The following HACD4 variants were observed in gnomAD, a reference collection of about 807,000 sequenced individuals.
The protein encoded by HACD4 is 3-hydroxyacyl-CoA dehydratase 4.
HACD4 carries 35 observed loss-of-function variants against 33.3 expected under a neutral mutation model. That is an observed-to-expected ratio of 1.05 (90% CI 0.80 to 1.39). The LOEUF is 1.39. Among genes scored for constraint, HACD4 ranks in the 40% most tolerant of loss-of-function variants. The pLI is 0.00. For missense variants in HACD4, 323 were observed against 276.5 expected (o/e 1.17, Z -1.19); for synonymous variants, 118 against 98.0 (o/e 1.20, Z -1.21).
intron 3 of HACD4, among the ~76,000 whole-genome samples, chr9:21,023,015 A>G (rs896150432): frequency 3.3e-5 from 5 of 152,188 alleles, no homozygotes; most frequent in African/African-American, 9.7e-5. Context: ...TGGCACATAT[A>G]CACCACCGAA....
In HACD4 at chr9:21,000,224, T is replaced by C. The variant is rs1007086570; in HGVS notation, c.*6813A>G. On this transcript the variant is annotated 3_prime_UTR_variant, in exon 7 of 7. Transcript: ENST00000495827. ...TTTAGATGAGATTTAAAACTCCAGC[T>C]ACCCTTAGCAAAAATAAACTAGTTA... 6.6e-6 allele frequency: 1 copy of C among 152,200 alleles called. No individual in the cohort carries two copies. Among genetic ancestry groups the C allele is most frequent in the Non-Finnish European group, 1.5e-5 (1 of 68,018 alleles). 9.4% of individuals were successfully genotyped at this position (152,200 alleles called of 1,614,324 possible).
At chr9:21,010,946 G>A (rs911456545) in intron 5 of HACD4, among the ~76,000 whole-genome samples, 9 of 152,180 alleles carry the variant, frequency 5.9e-5, no homozygotes, top group Non-Finnish European at 1.0e-4. Context: ...GCGATAATGT[G>A]GGCAATGGTG....
Position 21,023,557 on chromosome 9 carries a change from A to G in HACD4, c.270+3039T>C, listed in dbSNP as rs373059076. On this transcript the variant is annotated intron_variant, in intron 3 of 6. Coordinates refer to ENST00000495827, the MANE Select transcript of HACD4 (RefSeq NM_001010915.5). ...GACCAGTTCCCCCCAAGAAGAATTC[A>G]GTTGTCACTTAACAATCTTTTTTTT... 8.0e-4 allele frequency among the ~76,000 whole-genome samples: 120 copies of G among 150,116 alleles called. 1 individual carries two copies. The highest frequency in any genetic ancestry group is 2.8e-3 in the African/African-American group (114 of 40,956).
chr9:21,019,900 T>G (rs1200660198), intron 3 of HACD4, among the ~76,000 whole-genome samples: 1 of 152,126 alleles, frequency 6.6e-6, no homozygotes, highest in Non-Finnish European at 1.5e-5. Flanking sequence ...AATAAGCACC[T>G]GCTTCATGGC....
chr9:21,013,244 G>A (rs187179782), intron 4 of HACD4, among the ~76,000 whole-genome samples: 40 of 151,748 alleles, frequency 2.6e-4, no homozygotes, highest in Admixed American at 2.3e-3. Flanking sequence ...TTTTTTGTGT[G>A]TGTATATCCA....
intron 4 of HACD4, among the ~76,000 whole-genome samples, chr9:21,012,275 A>G (rs1248595157): frequency 6.6e-6 from 1 of 152,212 alleles, no homozygotes; most frequent in Admixed American, 6.5e-5. Flanking sequence ...AGGCTTGAGC[A>G]TATATCAGAA....
At chr9:21,026,316 G>C (rs150044354) in intron 3 of HACD4, among the ~76,000 whole-genome samples, 1 of 152,290 alleles carries the variant, frequency 6.6e-6, no homozygotes, top group African/African-American at 2.4e-5. Flanking sequence ...AACCCAGGCA[G>C]TGACACAGTG....
At chr9:21,023,926 G>A (rs563838632) in intron 3 of HACD4, among the ~76,000 whole-genome samples, 7 of 152,144 alleles carry the variant, frequency 4.6e-5, no homozygotes, top group South Asian at 2.1e-4. Context: ...CAACTGTATC[G>A]ACATGGTTTT....
intron 3 of HACD4, among the ~76,000 whole-genome samples, chr9:21,017,007 G>A (rs1279560569): frequency 6.6e-6 from 1 of 151,968 alleles, no homozygotes; most frequent in Admixed American, 6.6e-5. Context: ...AATATATCCT[G>A]TACATTCTGT....
intron 3 of HACD4, 44 bp downstream of exon 3, chr9:21,026,552 T>G: frequency 6.6e-7 from 1 of 1,524,956 alleles, no homozygotes; most frequent in South Asian, 1.2e-5. Context: ...AGAAAAAATG[T>G]AAAAATGAAA....
chr9:21,021,718 C>G (rs202078740), intron 3 of HACD4, among the ~76,000 whole-genome samples: 49 of 152,010 alleles, frequency 3.2e-4, no homozygotes, highest in African/African-American at 5.8e-4. Context: ...CACTGCTCAA[C>G]GAAATAAAAG....
rs1229328276 is a variant in HACD4, at chr9:21,005,024, C to T, written c.*2013G>A. On this transcript the variant is annotated 3_prime_UTR_variant, in exon 7 of 7. Coordinates refer to ENST00000495827, the MANE Select transcript of HACD4 (RefSeq NM_001010915.5). This position sits in a 1 kb window ranked among gnomAD's most constrained non-coding sequence, Gnocchi z 4.0. ...TCACCATGAAGATAATGTTGGTAGACATGGACAATAAAGGCCATTCTGATG... is the reference window on the plus strand; with the variant it reads ...TCACCATGAAGATAATGTTGGTAGATATGGACAATAAAGGCCATTCTGATG... 1 of 152,080 alleles carries T rather than the reference C, an allele frequency of 6.6e-6. No individual in the cohort carries two copies. The highest frequency in any genetic ancestry group is 1.5e-5 in the Non-Finnish European group (1 of 68,014). The allele number at this position is 152,080 out of a possible 1,614,324, so 9.4% of individuals were successfully genotyped here.
intron 3 of HACD4, among the ~76,000 whole-genome samples, chr9:21,024,112 T>C (rs997856896): frequency 2.0e-5 from 3 of 152,336 alleles, no homozygotes; most frequent in African/African-American, 4.8e-5. Context: ...AATTCTAATA[T>C]AGGAAGGAGG....
chr9:21,013,110 TTTATC>T, intron 4 of HACD4, among the ~76,000 whole-genome samples: 1 of 151,824 alleles, frequency 6.6e-6, no homozygotes, highest in African/African-American at 2.4e-5. Flanking sequence ...TGAAGTCCAA[TTTATC>T]TTTTTTTTCT....
At chr9:21,026,829 T>C (rs1818074758) in intron 2 of HACD4, 106 bp from the exon 3 acceptor site, 2 of 884,288 alleles carry the variant, frequency 2.3e-6, no homozygotes, top group South Asian at 3.3e-5. Context: ...ACTTCCTTTT[T>C]CATTGTACAT....
chr9:21,011,737 A>G (rs1030006061), intron 4 of HACD4, 42 bp from the exon 5 acceptor site: 1 of 1,046,480 alleles, frequency 9.6e-7, no homozygotes, highest in Admixed American at 2.1e-5. Context: ...TTTTCTGCTA[A>G]TATCTGGGAA....
intron 5 of HACD4, 32 bp from the exon 6 acceptor site, chr9:21,008,178 T>A: frequency 1.3e-6 from 2 of 1,584,540 alleles, no homozygotes; most frequent in South Asian, 2.3e-5. Flanking sequence ...ATAAAGGTAT[T>A]CCTCCTTAAG....
intron 2 of HACD4, among the ~76,000 whole-genome samples, chr9:21,028,027 CAG>C (rs1818107339): frequency 6.7e-6 from 1 of 149,680 alleles, no homozygotes; most frequent in South Asian, 2.1e-4. Flanking sequence ...CCCAGCTACT[CAG>C]GGAACTGAGG....
chr9:21,010,040 G>A (rs1388226228), intron 5 of HACD4, among the ~76,000 whole-genome samples: 2 of 152,200 alleles, frequency 1.3e-5, no homozygotes, highest in Middle Eastern at 6.8e-3. Context: ...CTTTTTATCT[G>A]CTCATCAGTA....
Sources: allele counts gnomAD v4.1 joint callset (sites outside exome capture counted in the v4.1 genomes callset), GRCh38; gene constraint gnomAD v4.1.1; non-coding constraint Gnocchi (gnomAD v3.1); transcripts MANE v1.5; gene names NCBI Gene and HGNC (gene_info 2026-07-23, HGNC 2026-07-21).